DOP1A: variants seen among roughly 807,000 people sequenced by gnomAD.
DOP1A encodes the protein protein DOP1A.
A neutral mutation model predicts 267.6 loss-of-function variants in DOP1A; 90 were observed. That is an observed-to-expected ratio of 0.34 (90% CI 0.28 to 0.40). The LOEUF (loss-of-function observed/expected upper bound fraction) is 0.40. DOP1A is among the 10% of genes least tolerant of loss of function. The pLI is 1.00. For synonymous variants in DOP1A, 932 were observed against 999.1 expected, an observed-to-expected ratio of 0.93 and a Z score of 1.27; for missense variants, 2,437 against 2,900.4, an observed-to-expected ratio of 0.84 and a Z score of 3.67.
intron 38 of DOP1A, chr6:83,164,677 T>C (rs1212565063): frequency 6.3e-7 from 1 of 1,585,026 alleles, no homozygotes. Context: ...AGGAGGACTT[T>C]AAGACAGTGA....
At chr6:83,097,463 G>T (rs1771701800) in intron 3 of DOP1A, among the ~76,000 whole-genome samples, 1 of 152,192 alleles carries the variant, frequency 6.6e-6, no homozygotes, top group African/African-American at 2.4e-5. Context: ...GCAGCAAAAT[G>T]AAAACCTACA....
Position 83,138,039 on chromosome 6 carries a change from AACTGGT to A in DOP1A, c.3999_4004del (p.Trp1334_Tyr1335del). 1 of 1,611,410 alleles carries A rather than the reference AACTGGT, an allele frequency of 6.2e-7. No homozygotes were observed. Among genetic ancestry groups the A allele is most frequent in the East Asian group, 2.2e-5 (1 of 44,848 alleles). On this transcript the variant is annotated inframe_deletion, in exon 21 of 39. Transcript: ENST00000349129. ...CTTCAGTGATGGTCTGGATTTAGAG[AACTGGT>A]ATAGCTGTGGAGAGGGAGACATTTC...
At chr6:83,125,758 A>G (rs1001242841) in intron 15 of DOP1A, 25 bp downstream of exon 15, 2 of 1,570,048 alleles carry the variant, frequency 1.3e-6, no homozygotes, top group East Asian at 2.3e-5. Context: ...TATTTTTGGT[A>G]TTAGACTGTT....
chr6:83,071,367 G>A (rs1415902825), intron 1 of DOP1A, among the ~76,000 whole-genome samples: 3 of 151,912 alleles, frequency 2.0e-5, no homozygotes, highest in African/African-American at 4.8e-5. Flanking sequence ...CCATCACACC[G>A]GGCTAACTTT....
intron 10 of DOP1A, among the ~76,000 whole-genome samples, chr6:83,121,118 G>C (rs1776306356): frequency 1.3e-5 from 2 of 151,746 alleles, no homozygotes; most frequent in Admixed American, 1.3e-4. Context: ...CCAAGGACTT[G>C]AGGAAAATAT....
intron 10 of DOP1A, among the ~76,000 whole-genome samples, chr6:83,121,200 AT>A (rs1218395231): frequency 6.6e-6 from 1 of 151,786 alleles, no homozygotes; most frequent in Non-Finnish European, 1.5e-5. Context: ...TCCATTGTAT[AT>A]TTCTTATATA....
chr6:83,153,333 AT>A, intron 30 of DOP1A, 177 bp from the exon 31 acceptor site: 1 of 438,918 alleles, frequency 2.3e-6, no homozygotes, highest in Non-Finnish European at 4.0e-6. Context: ...TATAGTAACA[AT>A]GTACAAAAAA....
Position 83,083,344 on chromosome 6 carries a change from G to A in DOP1A, c.-146-13387G>A, listed in dbSNP as rs560720872. Among the ~76,000 whole-genome samples the A allele has an allele frequency of 8.6e-5, 13 of 150,722 alleles. No individual in the cohort carries two copies. The South Asian group carries it at 1.5e-3, about 17-fold the overall frequency. On this transcript the variant is annotated intron_variant, in intron 1 of 38. Coordinates refer to ENST00000349129, the MANE Select transcript of DOP1A (RefSeq NM_015018.4). Reference sequence around the variant, plus strand: ...TTCTAAGAAAGAAATCTATATAGCCGGAAAAGTTTTTTGAAAAAAGTTAAT... The same window carrying A: ...TTCTAAGAAAGAAATCTATATAGCCAGAAAAGTTTTTTGAAAAAAGTTAAT...
At chr6:83,108,816 C>T (rs1582965201) in intron 4 of DOP1A, 94 bp from the exon 5 acceptor site, 3 of 1,233,554 alleles carry the variant, frequency 2.4e-6, no homozygotes, top group South Asian at 1.6e-5. Flanking sequence ...ATAACTTTTT[C>T]ATCAGAAAGA....
intron 1 of DOP1A, among the ~76,000 whole-genome samples, chr6:83,078,702 G>A (rs985220908): frequency 2.0e-5 from 3 of 152,158 alleles, no homozygotes; most frequent in Admixed American, 2.0e-4. Flanking sequence ...AATGGAAAGT[G>A]AGGAGAGGTG....
rs2128468586 is a variant in DOP1A at position 83,168,018 on chromosome 6, G to A, written c.7249G>A (p.Gly2417Arg). The A allele has an allele frequency of 1.2e-6, 2 of 1,614,122 alleles. No individual in the cohort carries two copies. The highest frequency in any genetic ancestry group is 2.2e-5 in the East Asian group (1 of 44,860). ...FNSKVTSRCG[G>R]HSGSPILYSN... ...CAGCAAAGTCACAAGCCGATGTGGA[G>A]GACACTCAGGGAGTCCTATCCTCTA... The change falls in exon 39 of 39, where the codon GGA becomes AGA. Residue 2417 changes from glycine (G) to arginine (R), a missense_variant. Transcript: ENST00000349129.
chr6:83,164,587 A>G, intron 38 of DOP1A: 1 of 1,414,150 alleles, frequency 7.1e-7, no homozygotes, highest in South Asian at 1.2e-5. Flanking sequence ...AAATCACCTT[A>G]AACAAGGTCT....
intron 24 of DOP1A, among the ~76,000 whole-genome samples, chr6:83,144,211 C>G (rs1338633974): frequency 6.6e-6 from 1 of 152,096 alleles, no homozygotes; most frequent in Non-Finnish European, 1.5e-5. Flanking sequence ...GACAGGGGAT[C>G]CAAGAAATGG....
chr6:83,081,165 G>A (rs1423231722), intron 1 of DOP1A, among the ~76,000 whole-genome samples: 6 of 152,100 alleles, frequency 3.9e-5, no homozygotes, highest in African/African-American at 1.4e-4. Context: ...TCTGTTGCCC[G>A]GGCTGGGGTG....
chr6:83,170,098 T>C (rs977663638), downstream of DOP1A, among the ~76,000 whole-genome samples: 21 of 152,148 alleles, frequency 1.4e-4, no homozygotes, highest in African/African-American at 4.8e-4. Flanking sequence ...GTCAAAAATA[T>C]TTGGGGAAAT....
chr6:83,100,029 G>A (rs941292648), intron 3 of DOP1A, among the ~76,000 whole-genome samples: 7 of 151,994 alleles, frequency 4.6e-5, no homozygotes, highest in Non-Finnish European at 8.8e-5. Context: ...TTTATTATAA[G>A]ATCTTCTTTA....
rs754732456 is a variant in DOP1A at position 83,122,020 on chromosome 6, C to A, written c.1190C>A (p.Pro397His). 1 of 1,611,108 alleles carries A rather than the reference C, an allele frequency of 6.2e-7. No individual in the cohort carries two copies. The highest frequency in any genetic ancestry group is 8.5e-7 in the Non-Finnish European group (1 of 1,177,984). Residue 397 changes from proline to histidine, a missense_variant, in exon 11 of 39, where the codon CCC becomes CAC. By Grantham distance (77) the Pro-to-His change is moderately conservative. This residue lies in a region of DOP1A where 498 missense variants were observed against 513.5 expected (regional missense o/e 0.97). Coordinates refer to ENST00000349129, the MANE Select transcript of DOP1A (RefSeq NM_015018.4). Reference protein sequence around the residue: ...KAELDLQTEPPFSKDHAQLSS... With the variant: ...KAELDLQTEPHFSKDHAQLSS... ...GAGTTGGATCTTCAAACTGAACCAC[C>A]CTTCAGCAAGGATCATGCTCAGTTA...
intron 20 of DOP1A, 61 bp downstream of exon 20, chr6:83,135,939 A>G: frequency 6.5e-7 from 1 of 1,550,004 alleles, no homozygotes; most frequent in Admixed American, 1.8e-5. Context: ...GTGATACATG[A>G]ATACAACAGT....
chr6:83,074,804 C>G (rs760668579), intron 1 of DOP1A, among the ~76,000 whole-genome samples: 2 of 152,234 alleles, frequency 1.3e-5, no homozygotes, highest in Non-Finnish European at 2.9e-5. Flanking sequence ...GGCTCAGTGG[C>G]TCATTTCCAT....
Sources: allele counts gnomAD v4.1 joint callset (sites outside exome capture counted in the v4.1 genomes callset), GRCh38; gene constraint gnomAD v4.1.1; regional missense constraint gnomAD v4.1.1; transcripts MANE v1.5; gene names NCBI Gene and HGNC (gene_info 2026-07-23, HGNC 2026-07-21).